MOB3C: variants seen among roughly 807,000 people sequenced by gnomAD.
MOB3C encodes MOB kinase activator 3C, also known as MOB1, Mps One Binder kinase activator-like 2C.
MOB3C carries 17 observed loss-of-function variants against 19.8 expected under a neutral mutation model. The observed-to-expected ratio is 0.86, with a 90% confidence interval of 0.59 to 1.29. The LOEUF (loss-of-function observed/expected upper bound fraction) is 1.29, where lower values mean the gene tolerates loss of function less well. MOB3C is among the 50% of genes most tolerant of loss of function. The probability of loss-of-function intolerance (pLI) is 0.00; values close to 1 mark genes in which losing one functional copy is unlikely to be tolerated. For synonymous variants in MOB3C, 101 were observed against 119.2 expected, an observed-to-expected ratio of 0.85 and a Z score of 0.99; for missense variants, 291 against 301.9, an observed-to-expected ratio of 0.96 and a Z score of 0.27.
Position 46,613,014 on chromosome 1 carries a change from T to TC in MOB3C, c.307dup (p.Glu103GlyfsTer43), listed in dbSNP as rs1190119933. 1.2e-6 allele frequency: 2 copies of TC among 1,613,418 alleles called. No individual in the cohort carries two copies. Among genetic ancestry groups the TC allele is most frequent in the African/African-American group, 2.7e-5 (2 of 74,946 alleles). On this transcript the variant is annotated frameshift_variant, in exon 2 of 4. Transcript: ENST00000319928. LOFTEE classifies it high-confidence loss of function. ...CTTGGCGGGCCGCCGGTACTGGCGC[T>TC]CGTCCTGCCAGCGGTACTCGTAGCG...
In MOB3C at chr1:46,611,233, G is replaced by GTGTC. The variant is rs1675466138; in HGVS notation, c.419-1033_419-1030dup. On this transcript the variant is annotated intron_variant, in intron 2 of 3. Transcript: ENST00000319928. This position sits in a 1 kb window ranked among gnomAD's most constrained non-coding sequence, Gnocchi z 4.1. ...TAATCCTTAGAACAATTCGCCTGAT[G>GTGTC]TGTCTGATTGTCACTTTAGATATGA... is the stretch of plus-strand genomic sequence containing the variant. 6.6e-6 allele frequency among the ~76,000 whole-genome samples: 1 copy of GTGTC among 152,224 alleles called. No homozygotes were observed. Among genetic ancestry groups the GTGTC allele is most frequent in the African/African-American group, 2.4e-5 (1 of 41,458 alleles).
At position 46,609,966 on chromosome 1, in the gene MOB3C, G is replaced by A. The variant is rs965378855; in HGVS notation, c.621+36C>T. The stretch of plus-strand genomic sequence containing the variant: ...TTTGGACGTGAAAACTCAGAGGCTA[G>A]CCTTGGTAGGGGAGGGTGGTAGGGC... On this transcript the variant is annotated intron_variant, in intron 3 of 3. Transcript: ENST00000319928. 4 of 1,611,240 alleles carry A rather than the reference G, an allele frequency of 2.5e-6. No homozygotes were observed. In the Admixed American group the frequency reaches 5.0e-5, roughly 20 times the overall value.
rs573819430 is a variant in MOB3C, at chr1:46,614,982, G to C, written c.-50-1611C>G. The C allele has an allele frequency of 1.9e-6, 3 of 1,607,348 alleles. No individual in the cohort carries two copies. The African/African-American group carries it at 4.0e-5, about 21-fold the overall frequency. On this transcript the variant is annotated intron_variant, in intron 1 of 3. Transcript: ENST00000319928. ...TGAAAAAAACTCACAGATGTGAAAG[G>C]TCATCTCATCCATCCCGACTCTTCG... is the stretch of plus-strand genomic sequence containing the variant.
intron 1 of MOB3C, chr1:46,616,011 C>G (rs1675555284): frequency 3.3e-5 from 5 of 152,352 alleles, no homozygotes. Context: ...CACTCCCCAC[C>G]CCCATGCCCT....
rs150228237 is a variant in MOB3C, at chr1:46,610,054, T to A, written c.569A>T (p.Tyr190Phe). Residue 190 changes from tyrosine (Y) to phenylalanine (F), a missense_variant, in exon 3 of 4, where the codon TAC becomes TTC. Coordinates refer to ENST00000319928, the MANE Select transcript of MOB3C (RefSeq NM_201403.3). The stretch of plus-strand genomic sequence containing the variant: ...CAGACTGAACTCGCGGATGAAGTAG[T>A]AGAAGTGCTTGTAGCAGGTGTTGAC... ...AHVNTCYKHF[Y>F]YFIREFSLVD... 5.6e-6 allele frequency: 9 copies of A among 1,614,104 alleles called. No homozygotes were observed. In the South Asian group the frequency reaches 8.8e-5, roughly 16 times the overall value.
chr1:46,615,210 G>T, intron 1 of MOB3C: 1 of 670,004 alleles, frequency 1.5e-6, no homozygotes. Context: ...CCCCACCCTG[G>T]CATTCAGCAC....
At chr1:46,614,742 G>A in intron 1 of MOB3C, 1 of 499,582 alleles carries the variant, frequency 2.0e-6, no homozygotes, top group South Asian at 3.0e-5. Context: ...GGGAAGGGAG[G>A]GTGGGAACCA....
In MOB3C at chr1:46,613,100, G is replaced by C. The variant is rs776654062; in HGVS notation, c.222C>G (p.Ile74Met). 12 of 1,614,130 alleles carry C rather than the reference G, an allele frequency of 7.4e-6. No homozygotes were observed. The Admixed American group carries it at 1.7e-4, about 22-fold the overall frequency. ...VVDFFNRINL[I>M]YGTMAERCSE... The stretch of plus-strand genomic sequence containing the variant: ...TGCAGCGCTCCGCCATAGTGCCGTA[G>C]ATGAGGTTGATGCGGTTGAAGAAGT... The change falls in exon 2 of 4, where the codon ATC becomes ATG. Residue 74 changes from isoleucine to methionine, a missense_variant. Transcript: ENST00000319928.
At position 46,613,513 on chromosome 1, in the gene MOB3C, C is replaced by T. The variant is rs1396012447; in HGVS notation, c.-50-142G>A. 3.7e-6 allele frequency: 3 copies of T among 806,218 alleles called. No homozygotes were observed. The African/African-American group carries it at 5.2e-5, about 14-fold the overall frequency. 49.9% of individuals were successfully genotyped at this position (806,218 alleles called of 1,614,324 possible). On this transcript the variant is annotated intron_variant, in intron 1 of 3. Coordinates refer to ENST00000319928, the MANE Select transcript of MOB3C (RefSeq NM_201403.3). The stretch of plus-strand genomic sequence containing the variant: ...CTGCCTGGAATCTAAGTCCTCAGCC[C>T]CTAGGTCCAGTGCCCCGCCCTCTTT...
chr1:46,613,015 C>G lies in MOB3C; in HGVS notation c.307G>C (p.Glu103Gln). 1 of 1,613,520 alleles carries G rather than the reference C, an allele frequency of 6.2e-7. No homozygotes were observed. Among genetic ancestry groups the G allele is most frequent in the Non-Finnish European group, 8.5e-7 (1 of 1,179,688 alleles). ...TTGGCGGGCCGCCGGTACTGGCGCT[C>G]GTCCTGCCAGCGGTACTCGTAGCGG... ...GPRYEYRWQD[E>Q]RQYRRPAKLS... is the part of the protein sequence containing the mutation. Residue 103 changes from glutamate to glutamine, a missense_variant, in exon 2 of 4, where the codon GAG becomes CAG. Transcript: ENST00000319928.
chr1:46,610,383 C>G (rs1031674144), intron 2 of MOB3C, among the ~76,000 whole-genome samples, 179 bp from the exon 3 acceptor site: 1 of 152,156 alleles, frequency 6.6e-6, no homozygotes, highest in Non-Finnish European at 1.5e-5. Context: ...TTCTTTCTTC[C>G]TTTCTTTTTT....
chr1:46,615,317 G>C, intron 1 of MOB3C: 2 of 492,080 alleles, frequency 4.1e-6, no homozygotes, highest in Non-Finnish European at 7.2e-6. Context: ...TTTTGCCTCT[G>C]CATGTTTTCT....
At position 46,612,506 on chromosome 1, in the gene MOB3C, A is replaced by G. The variant is rs981565636; in HGVS notation, c.418+398T>C. Reference sequence around the variant, plus strand: ...TGGTGAAACCCTGTCTCTACTAAAAATACAAAAATTAGCCAGGCGTGGTGG... The same window carrying G: ...TGGTGAAACCCTGTCTCTACTAAAAGTACAAAAATTAGCCAGGCGTGGTGG... On this transcript the variant is annotated intron_variant, in intron 2 of 3. Transcript: ENST00000319928. Among the ~76,000 whole-genome samples, 6 of 152,124 alleles carry G rather than the reference A, an allele frequency of 3.9e-5. No individual in the cohort carries two copies. The South Asian group carries it at 8.3e-4, about 21-fold the overall frequency.
At position 46,611,118 on chromosome 1, in the gene MOB3C, C is replaced by G. The variant is rs1043290108; in HGVS notation, c.419-914G>C. ...TGAATTCTGCAAGAGTTAGTTCAGA[C>G]AGCCCTCATTCCTTCAAATATTCAA... On this transcript the variant is annotated intron_variant, in intron 2 of 3. Transcript: ENST00000319928. This position sits in a 1 kb window ranked among gnomAD's most constrained non-coding sequence, Gnocchi z 4.1. Among the ~76,000 whole-genome samples the G allele has an allele frequency of 4.6e-5, 7 of 152,216 alleles. No individual in the cohort carries two copies. The highest frequency in any genetic ancestry group is 1.0e-4 in the Non-Finnish European group (7 of 68,044).
Position 46,613,644 on chromosome 1 carries a change from C to G in MOB3C, c.-50-273G>C. ...CTGGGCCTGGGCTCTAAACAGGTGC[C>G]CCTCAGACTTGCTGTTGGTCACGAG... On this transcript the variant is annotated intron_variant, in intron 1 of 3. Transcript: ENST00000319928. 7 of 481,178 alleles carry G rather than the reference C, an allele frequency of 1.5e-5. No homozygotes were observed. In the South Asian group the frequency reaches 2.3e-4, roughly 16 times the overall value. The allele number at this position is 481,178 out of a possible 1,614,324, so 29.8% of individuals were successfully genotyped here.
intron 1 of MOB3C, chr1:46,614,793 G>A (rs1675533219): frequency 1.3e-5 from 7 of 548,490 alleles, no homozygotes; most frequent in South Asian, 7.8e-5. Flanking sequence ...CACATATTTC[G>A]GGGAGGGGTA....
In MOB3C at chr1:46,609,498, A is replaced by G; in HGVS notation, c.*157T>C. On this transcript the variant is annotated 3_prime_UTR_variant, in exon 4 of 4. Transcript: ENST00000319928. The stretch of plus-strand genomic sequence containing the variant: ...TCCATCCACAAGCGGTCAGGGCGAC[A>G]GGTAGGCAGACTCCTGAGAACCAGA... 4 of 900,866 alleles carry G rather than the reference A, an allele frequency of 4.4e-6. No homozygotes were observed. In the South Asian group the frequency reaches 5.7e-5, roughly 13 times the overall value. 55.8% of individuals were successfully genotyped at this position (900,866 alleles called of 1,614,324 possible).
At chr1:46,609,795 G>C in intron 3 of MOB3C, 111 bp from the exon 4 acceptor site, 1 of 1,452,376 alleles carries the variant, frequency 6.9e-7, no homozygotes, top group Non-Finnish European at 9.4e-7. Flanking sequence ...CCTTCCCCCA[G>C]CAACCCCAAC....
Position 46,611,728 on chromosome 1 carries a change from C to T in MOB3C, c.418+1176G>A, listed in dbSNP as rs912986225. ...GCTCCCACAGATCTGAGCCCCAGTT[C>T]GGAATTCCTCCCAGTTCAGTGCACT... On this transcript the variant is annotated intron_variant, in intron 2 of 3. Coordinates refer to ENST00000319928, the MANE Select transcript of MOB3C (RefSeq NM_201403.3). This position sits in a 1 kb window ranked among gnomAD's most constrained non-coding sequence, Gnocchi z 4.1. Among the ~76,000 whole-genome samples, 17 of 152,300 alleles carry T rather than the reference C, an allele frequency of 1.1e-4. No individual in the cohort carries two copies. The highest frequency in any genetic ancestry group is 3.4e-3 in the Middle Eastern group (1 of 294).
Sources: gnomAD v4.1 joint callset for allele counts (sites outside exome capture counted in the v4.1 genomes callset) on GRCh38, gnomAD v4.1.1 for gene constraint, Gnocchi (gnomAD v3.1) non-coding constraint, MANE v1.5 for transcripts, NCBI Gene and HGNC (gene_info 2026-07-23, HGNC 2026-07-21) for gene names.